The following HS3ST4 variants were observed in gnomAD, a reference collection of about 807,000 sequenced individuals.
HS3ST4 encodes the protein heparan sulfate glucosamine 3-O-sulfotransferase 4.
Under a neutral mutation model 29.2 loss-of-function variants are expected in HS3ST4, and 17 were observed. The ratio of observed to expected loss-of-function variants is 0.58; its 90% CI spans 0.40 to 0.87. The LOEUF (loss-of-function observed/expected upper bound fraction) is 0.87. Among genes scored for constraint, HS3ST4 ranks in the 40% least tolerant of loss-of-function variants. The pLI is 0.00. For missense variants in HS3ST4, 627 were observed against 634.5 expected, an observed-to-expected ratio of 0.99 and a Z score of 0.13; for synonymous variants, 314 against 285.7, an observed-to-expected ratio of 1.10 and a Z score of -1.00.
chr16:25,873,480 C>CTATCTATCTA (rs1567261515), intron 1 of HS3ST4, among the ~76,000 whole-genome samples: 7 of 69,872 alleles, frequency 1.0e-4, no homozygotes, highest in African/African-American at 2.5e-4. Context: ...CCATCTATCT[C>CTATCTATCTA]TCTATCTATC....
intron 1 of HS3ST4, among the ~76,000 whole-genome samples, chr16:26,015,415 A>G (rs1380449243): frequency 1.3e-5 from 2 of 152,224 alleles, no homozygotes; most frequent in African/African-American, 4.8e-5. Context: ...TCCTCCCAAC[A>G]TCAATATATG....
intron 1 of HS3ST4, among the ~76,000 whole-genome samples, chr16:25,870,070 C>A (rs1396239958): frequency 1.3e-5 from 2 of 149,056 alleles, no homozygotes; most frequent in Admixed American, 1.4e-4. Context: ...CATCATTCAT[C>A]CACTTATGCA....
intron 1 of HS3ST4, among the ~76,000 whole-genome samples, chr16:25,717,063 A>G (rs536976288): frequency 6.6e-6 from 1 of 152,270 alleles, no homozygotes; most frequent in South Asian, 2.1e-4. Flanking sequence ...TTAAAAAAAA[A>G]AGGGAGGCAG....
At chr16:25,732,867 A>G (rs956082989) in intron 1 of HS3ST4, among the ~76,000 whole-genome samples, 4 of 152,132 alleles carry the variant, frequency 2.6e-5, no homozygotes, top group African/African-American at 9.7e-5. Flanking sequence ...CCTTCTTAGT[A>G]TTGCTGTGCT....
chr16:26,107,351 A>AAC (rs144609224), intron 1 of HS3ST4, among the ~76,000 whole-genome samples: 99,256 of 149,394 alleles, frequency 0.66, 33,945 homozygotes, highest in Non-Finnish European at 0.76. Context: ...TTGGCATACA[A>AAC]ACACACACAC....
chr16:25,697,071 A>G (rs1342195892), intron 1 of HS3ST4, among the ~76,000 whole-genome samples: 1 of 152,208 alleles, frequency 6.6e-6, no homozygotes, highest in Admixed American at 6.5e-5. Context: ...TGCCACACAT[A>G]AAGTACTAGG....
At chr16:25,975,240 T>A (rs1968933210) in intron 1 of HS3ST4, among the ~76,000 whole-genome samples, 1 of 142,454 alleles carries the variant, frequency 7.0e-6, no homozygotes, top group Non-Finnish European at 1.5e-5. Flanking sequence ...AGCTAAACAT[T>A]GGGTATACAT....
At chr16:26,032,474 A>G (rs1969540249) in intron 1 of HS3ST4, 1 of 1,028,216 alleles carries the variant, frequency 9.7e-7, no homozygotes, top group African/African-American at 1.6e-5. Context: ...ATAAAACTTG[A>G]TAAAAAATAG....
In HS3ST4 at chr16:26,116,951, C is replaced by T. The variant is rs141635906; in HGVS notation, c.735-18661C>T. ...ATGTCCCAGAATCTGAAAAAAATCC[C>T]AAATCTGAAACACTTCTGGTCCCAA... On this transcript the variant is annotated intron_variant, in intron 1 of 1. Transcript: ENST00000331351. 2.0e-5 allele frequency among the ~76,000 whole-genome samples: 3 copies of T among 152,268 alleles called. No homozygotes were observed. The East Asian group carries it at 5.8e-4, about 29-fold the overall frequency.
At chr16:25,843,656 T>C (rs4787771) in intron 1 of HS3ST4, among the ~76,000 whole-genome samples, 49,381 of 151,984 alleles carry the variant, frequency 0.32, 9,042 homozygotes, top group Non-Finnish European at 0.4. Context: ...CAAAGAGACT[T>C]TGGAAATGAA....
intron 1 of HS3ST4, among the ~76,000 whole-genome samples, chr16:25,828,283 TCTTTCTTTCTTTCTTTCC>T (rs1967249552): frequency 2.1e-5 from 2 of 96,314 alleles, no homozygotes; most frequent in African/African-American, 4.5e-5. Flanking sequence ...TTTCTTTCTT[TCTTTCTTTCTTTCTTTCC>T]CTCTCTCTCT....
chr16:25,969,523 G>A (rs1034577076), intron 1 of HS3ST4, among the ~76,000 whole-genome samples: 2 of 152,206 alleles, frequency 1.3e-5, no homozygotes, highest in African/African-American at 4.8e-5. Flanking sequence ...GAACATCACG[G>A]CATTGTGGTT....
intron 1 of HS3ST4, among the ~76,000 whole-genome samples, chr16:25,871,775 C>G (rs535697096): frequency 1.3e-5 from 2 of 152,226 alleles, no homozygotes; most frequent in East Asian, 3.9e-4. Context: ...ACTGGGTACT[C>G]TCAAGCAGTG....
intron 1 of HS3ST4, among the ~76,000 whole-genome samples, chr16:26,085,712 A>T (rs538458726): frequency 7.9e-5 from 12 of 151,898 alleles, no homozygotes; most frequent in Admixed American, 3.3e-4. Context: ...CTCTACAAAA[A>T]TTTTTTTAAA....
intron 1 of HS3ST4, among the ~76,000 whole-genome samples, chr16:26,034,921 T>G (rs1331131877): frequency 3.3e-5 from 5 of 152,104 alleles, no homozygotes; most frequent in African/African-American, 1.2e-4. Context: ...AGGCAGATCT[T>G]GCAGTGAGCC....
At chr16:26,058,661 G>A (rs751775848) in intron 1 of HS3ST4, among the ~76,000 whole-genome samples, 1 of 152,192 alleles carries the variant, frequency 6.6e-6, no homozygotes, top group Non-Finnish European at 1.5e-5. Context: ...CAGGGCAGAG[G>A]CAAATCTACT....
intron 1 of HS3ST4, among the ~76,000 whole-genome samples, chr16:25,845,288 C>T (rs576443703): frequency 2.0e-5 from 3 of 152,236 alleles, no homozygotes; most frequent in East Asian, 1.9e-4. Context: ...TCTGGCAGAT[C>T]GCCTGAGGTC....
chr16:25,755,862 G>GT (rs1373600393), intron 1 of HS3ST4, among the ~76,000 whole-genome samples: 2 of 151,784 alleles, frequency 1.3e-5, no homozygotes, highest in Admixed American at 6.6e-5. Flanking sequence ...CCGAGTATCA[G>GT]TTTTTTTTCA....
At chr16:26,054,708 C>T (rs1032137364) in intron 1 of HS3ST4, among the ~76,000 whole-genome samples, 13 of 152,258 alleles carry the variant, frequency 8.5e-5, no homozygotes, top group African/African-American at 2.9e-4. Flanking sequence ...AAGAGAGTCT[C>T]TGAGCTGAGG....
Sources: gnomAD v4.1 joint callset for allele counts (sites outside exome capture counted in the v4.1 genomes callset) on GRCh38, gnomAD v4.1.1 for gene constraint, MANE v1.5 for transcripts, NCBI Gene and HGNC (gene_info 2026-07-23, HGNC 2026-07-21) for gene names.